CDK6: variants seen among roughly 807,000 people sequenced by gnomAD.
CDK6 encodes cyclin-dependent kinase 6.
Under a neutral mutation model 37.1 loss-of-function variants are expected in CDK6, and 6 were observed. That is an observed-to-expected ratio of 0.16 (90% CI 0.09 to 0.32). CDK6 has a LOEUF of 0.32. CDK6 is among the 10% of genes least tolerant of loss of function. The probability of loss-of-function intolerance (pLI) is 1.00; values close to 1 mark genes in which losing one functional copy is unlikely to be tolerated. For synonymous variants in CDK6, 160 were observed against 161.3 expected (o/e 0.99, Z 0.06); for missense variants, 224 against 418.9 (o/e 0.53, Z 4.06).
intron 4 of CDK6, among the ~76,000 whole-genome samples, chr7:92,672,242 C>CACACACACACACACACACACACACACAT (rs1374477819): frequency 9.4e-5 from 11 of 116,564 alleles, no homozygotes; most frequent in African/African-American, 1.7e-4. Context: ...CACACACACA[C>CACACACACACACACACACACACACACAT]ATATATGAAG....
chr7:92,637,424 A>C (rs2116526183), intron 5 of CDK6, among the ~76,000 whole-genome samples: 1 of 152,304 alleles, frequency 6.6e-6, no homozygotes, highest in African/African-American at 2.4e-5. Context: ...ACTTCTGATC[A>C]CTTTTGGCTA....
chr7:92,731,304 C>A (rs1302398849), intron 3 of CDK6, among the ~76,000 whole-genome samples: 2 of 152,196 alleles, frequency 1.3e-5, no homozygotes, highest in African/African-American at 2.4e-5. Flanking sequence ...TCACAAAGAA[C>A]AAGACAAACA....
rs1158367049 is a variant in CDK6, at chr7:92,787,605, A to G, written c.234-12774T>C. 2.6e-5 allele frequency among the ~76,000 whole-genome samples: 4 copies of G among 152,176 alleles called. No homozygotes were observed. The East Asian group carries it at 5.8e-4, about 22-fold the overall frequency. The stretch of plus-strand genomic sequence containing the variant: ...AAATATTGTTCTAAGAGAAAAAATA[A>G]TATGTATGCATTACTGCCGCATTAA... On this transcript the variant is annotated intron_variant, in intron 2 of 7. Coordinates refer to ENST00000424848, the MANE Select transcript of CDK6 (RefSeq NM_001145306.2).
chr7:92,790,705 T>C (rs1295148259), intron 2 of CDK6, among the ~76,000 whole-genome samples: 1 of 152,136 alleles, frequency 6.6e-6, no homozygotes, highest in Non-Finnish European at 1.5e-5. Flanking sequence ...CACATACACA[T>C]ACATCTTTCT....
intron 3 of CDK6, among the ~76,000 whole-genome samples, chr7:92,736,387 T>C (rs748652943): frequency 1.3e-5 from 2 of 152,154 alleles, no homozygotes; most frequent in Non-Finnish European, 2.9e-5. Flanking sequence ...CAAGGAGCTC[T>C]TACTCTAGCA....
intron 2 of CDK6, among the ~76,000 whole-genome samples, chr7:92,827,714 G>A (rs1489325172): frequency 6.6e-6 from 1 of 152,092 alleles, no homozygotes; most frequent in Non-Finnish European, 1.5e-5. Context: ...CTTGGACAAA[G>A]CCCAACATCA....
At chr7:92,742,334 T>A (rs1248269577) in intron 3 of CDK6, among the ~76,000 whole-genome samples, 1 of 152,228 alleles carries the variant, frequency 6.6e-6, no homozygotes. Context: ...TTTGTCAGAA[T>A]CAGCACACAG....
chr7:92,738,912 T>C (rs1462486469), intron 3 of CDK6, among the ~76,000 whole-genome samples: 2 of 152,126 alleles, frequency 1.3e-5, no homozygotes, highest in Non-Finnish European at 2.9e-5. Flanking sequence ...GGTATTATTC[T>C]TTTTCCAGGC....
At chr7:92,672,158 T>TATATATACATATACAC (rs1254710727) in intron 4 of CDK6, among the ~76,000 whole-genome samples, 2 of 102,734 alleles carry the variant, frequency 1.9e-5, no homozygotes, top group African/African-American at 8.3e-5. Flanking sequence ...TATATATATA[T>TATATATACATATACAC]ATACACATAC....
At chr7:92,816,645 C>T (rs1801037234) in intron 2 of CDK6, among the ~76,000 whole-genome samples, 1 of 151,946 alleles carries the variant, frequency 6.6e-6, no homozygotes, top group Admixed American at 6.6e-5. Flanking sequence ...ATTTGAAGAT[C>T]CAAGCTTCTA....
intron 4 of CDK6, among the ~76,000 whole-genome samples, chr7:92,698,833 T>A (rs904540934): frequency 6.6e-6 from 1 of 152,218 alleles, no homozygotes; most frequent in African/African-American, 2.4e-5. Flanking sequence ...AGTCAACTTG[T>A]GGCCCAATGT....
intron 5 of CDK6, among the ~76,000 whole-genome samples, chr7:92,658,539 C>G (rs1188476613): frequency 1.3e-5 from 2 of 151,922 alleles, no homozygotes; most frequent in African/African-American, 4.8e-5. Context: ...TACATATGTA[C>G]ATGTGTACCT....
At chr7:92,617,510 A>G (rs970688800) in intron 7 of CDK6, among the ~76,000 whole-genome samples, 1 of 152,204 alleles carries the variant, frequency 6.6e-6, no homozygotes, top group South Asian at 2.1e-4. Flanking sequence ...TCTGGCCTCC[A>G]AGTATAGGAA....
intron 2 of CDK6, among the ~76,000 whole-genome samples, chr7:92,782,932 A>C (rs35962927): frequency 1.9e-3 from 282 of 152,362 alleles, no homozygotes; most frequent in Non-Finnish European, 3.2e-3. Flanking sequence ...AAGAAGTAGC[A>C]GTGTCCTCAA....
Position 92,833,188 on chromosome 7 carries a change from G to A in CDK6, c.136C>T (p.Arg46Trp), listed in dbSNP as rs1290397698. 2 of 1,609,040 alleles carry A rather than the reference G, an allele frequency of 1.2e-6. No individual in the cohort carries two copies. Among genetic ancestry groups the A allele is most frequent in the Admixed American group, 1.7e-5 (1 of 59,714 alleles). ...GGRFVALKRV[R>W]VQTGEEGMPL... The stretch of plus-strand genomic sequence containing the variant: ...ATGCCCTCCTCGCCGGTCTGCACCC[G>A]CACGCGCTTCAACGCCACGAAACGG... The change falls in exon 2 of 8, where the codon CGG becomes TGG. Residue 46 changes from arginine to tryptophan, a missense_variant. By Grantham distance (101) the Arg-to-Trp change is moderately radical (BLOSUM62 -3). Transcript: ENST00000424848. This position sits in a 1 kb window ranked among gnomAD's most constrained non-coding sequence, Gnocchi z 6.1.
intron 3 of CDK6, among the ~76,000 whole-genome samples, chr7:92,758,467 T>C (rs1473095376): frequency 6.6e-6 from 1 of 152,178 alleles, no homozygotes; most frequent in African/African-American, 2.4e-5. Context: ...ATTTCTGGGC[T>C]CTCTATTCTG....
chr7:92,629,796 G>T (rs1188901266), intron 5 of CDK6, among the ~76,000 whole-genome samples: 2 of 152,076 alleles, frequency 1.3e-5, no homozygotes, highest in Non-Finnish European at 2.9e-5. Context: ...TAATTTTCTT[G>T]TGGTTCTGTA....
At chr7:92,815,532 G>C (rs1218097510) in intron 2 of CDK6, among the ~76,000 whole-genome samples, 2 of 152,178 alleles carry the variant, frequency 1.3e-5, no homozygotes, top group South Asian at 2.1e-4. Context: ...AGGTAGTAGA[G>C]GACTGTGATC....
At chr7:92,707,609 T>C (rs1797996563) in intron 4 of CDK6, among the ~76,000 whole-genome samples, 1 of 152,210 alleles carries the variant, frequency 6.6e-6, no homozygotes, top group East Asian at 1.9e-4. Flanking sequence ...AGTCACTGTT[T>C]AAAGAAAAGA....
Sources: gnomAD v4.1 joint callset for allele counts (sites outside exome capture counted in the v4.1 genomes callset) on GRCh38, gnomAD v4.1.1 for gene constraint, Gnocchi (gnomAD v3.1) non-coding constraint, MANE v1.5 for transcripts, NCBI Gene and HGNC (gene_info 2026-07-23, HGNC 2026-07-21) for gene names.